NAALADL2: variants seen among roughly 807,000 people sequenced by gnomAD.
NAALADL2 encodes inactive N-acetylated-alpha-linked acidic dipeptidase-like protein 2.
In NAALADL2, 76 loss-of-function variants were observed where a neutral mutation model predicts 87.2. The observed-to-expected ratio is 0.87, with a 90% CI of 0.72 to 1.05. The LOEUF (loss-of-function observed/expected upper bound fraction) is 1.05. NAALADL2 is among the 50% of genes least tolerant of loss of function. The pLI is 0.00. For synonymous variants in NAALADL2, 354 were observed against 331.0 expected, an observed-to-expected ratio of 1.07 and a Z score of -0.75; for missense variants, 1,089 against 945.8, an observed-to-expected ratio of 1.15 and a Z score of -1.99.
At chr3:174,710,529 C>T (rs1189897075) in intron 2 of NAALADL2, among the ~76,000 whole-genome samples, 1 of 152,156 alleles carries the variant, frequency 6.6e-6, no homozygotes, top group Non-Finnish European at 1.5e-5. Context: ...GCTGGGATTA[C>T]AGGCATGAGC....
At chr3:174,682,835 T>A (rs918557662) in intron 2 of NAALADL2, among the ~76,000 whole-genome samples, 7 of 152,182 alleles carry the variant, frequency 4.6e-5, no homozygotes, top group African/African-American at 7.2e-5. Context: ...AATGAATACC[T>A]TACTGTTTGA....
chr3:175,543,231 G>A (rs1046767826), intron 9 of NAALADL2, among the ~76,000 whole-genome samples: 6 of 152,078 alleles, frequency 3.9e-5, no homozygotes, highest in African/African-American at 1.4e-4. Context: ...CAAGGCATAT[G>A]TCAACATTAT....
intron 2 of NAALADL2, among the ~76,000 whole-genome samples, chr3:174,706,453 C>T (rs895073303): frequency 2.0e-5 from 3 of 152,190 alleles, no homozygotes; most frequent in Non-Finnish European, 4.4e-5. Context: ...AGAATAGATA[C>T]ATTGTACAAT....
rs556128800 is a variant in NAALADL2, at chr3:174,842,357, A to C, written c.-9+104611A>C. ...TGAGCCACTGCACCTGGCCACATTTAAACTTTTTAATGTTTTGCTTCAGGT... is the reference window on the plus strand; with the variant it reads ...TGAGCCACTGCACCTGGCCACATTTCAACTTTTTAATGTTTTGCTTCAGGT... On this transcript the variant is annotated intron_variant, in intron 3 of 3. Transcript: ENST00000434257. Among the ~76,000 whole-genome samples the C allele has an allele frequency of 3.9e-5, 6 of 152,200 alleles. No homozygotes were observed. In the South Asian group the frequency reaches 8.3e-4, roughly 21 times the overall value.
At chr3:174,545,990 T>C (rs1722695940) in intron 1 of NAALADL2, among the ~76,000 whole-genome samples, 1 of 151,782 alleles carries the variant, frequency 6.6e-6, no homozygotes, top group Non-Finnish European at 1.5e-5. Flanking sequence ...TTTTCCTTTT[T>C]TTCTGCTTGT....
chr3:175,683,077 CAG>C (rs1378506075), intron 11 of NAALADL2, among the ~76,000 whole-genome samples: 2 of 151,914 alleles, frequency 1.3e-5, no homozygotes, highest in African/African-American at 4.8e-5. Context: ...ATACAAGAAA[CAG>C]AAAATTGTGA....
chr3:174,722,554 T>G (rs900387364), intron 2 of NAALADL2, among the ~76,000 whole-genome samples: 8 of 151,932 alleles, frequency 5.3e-5, no homozygotes, highest in Non-Finnish European at 1.5e-5. Flanking sequence ...TACCAAAAAT[T>G]AGCCGGGCGC....
At chr3:174,767,010 A>G (rs1391912929) in intron 3 of NAALADL2, among the ~76,000 whole-genome samples, 2 of 152,180 alleles carry the variant, frequency 1.3e-5, no homozygotes, top group Non-Finnish European at 1.5e-5. Context: ...GAATTGTGTC[A>G]TGGACAACCT....
intron 2 of NAALADL2, among the ~76,000 whole-genome samples, chr3:174,574,300 T>C (rs1715282373): frequency 6.6e-6 from 1 of 152,188 alleles, no homozygotes; most frequent in Non-Finnish European, 1.5e-5. Context: ...GTTGAAACTT[T>C]CTAACTTATA....
intron 2 of NAALADL2, among the ~76,000 whole-genome samples, chr3:174,576,944 G>A (rs946193948): frequency 1.3e-5 from 2 of 151,780 alleles, no homozygotes; most frequent in Admixed American, 6.6e-5. Flanking sequence ...TAATATATAC[G>A]CTTCTTAATC....
intron 2 of NAALADL2, among the ~76,000 whole-genome samples, chr3:174,560,318 A>C (rs951428139): frequency 2.0e-5 from 3 of 152,252 alleles, no homozygotes; most frequent in Non-Finnish European, 2.9e-5. Flanking sequence ...AATAGGTACA[A>C]AAGATGACAG....
chr3:175,228,864 A>C (rs935165110), intron 2 of NAALADL2, among the ~76,000 whole-genome samples: 1 of 151,986 alleles, frequency 6.6e-6, no homozygotes, highest in African/African-American at 2.4e-5. Flanking sequence ...TGCCAAATTT[A>C]CTTTTAAAAA....
At chr3:174,605,965 G>A (rs1719003223) in intron 2 of NAALADL2, among the ~76,000 whole-genome samples, 1 of 152,164 alleles carries the variant, frequency 6.6e-6, no homozygotes, top group Non-Finnish European at 1.5e-5. Context: ...ACTCCTCTGA[G>A]ACAAAACTTC....
chr3:175,604,552 C>A (rs1311477546), intron 10 of NAALADL2, among the ~76,000 whole-genome samples: 1 of 152,102 alleles, frequency 6.6e-6, no homozygotes, highest in Non-Finnish European at 1.5e-5. Flanking sequence ...GATCCACCTG[C>A]CTCAGCCTCC....
chr3:174,882,662 C>CATATACACATATGTGT (rs1164692906), intron 1 of NAALADL2, among the ~76,000 whole-genome samples: 14 of 114,506 alleles, frequency 1.2e-4, no homozygotes, highest in African/African-American at 4.4e-4. Flanking sequence ...CACATATGTG[C>CATATACACATATGTGT]ATATACACAT....
Position 175,803,027 on chromosome 3 carries a change from G to A in NAALADL2, c.2212G>A (p.Glu738Lys), listed in dbSNP as rs753811235. Reference protein sequence around the residue: ...FYRNILYHLDEKTSRFSILIE... With the variant: ...FYRNILYHLDKKTSRFSILIE... The stretch of plus-strand genomic sequence containing the variant: ...CAGAAACATCCTCTACCACCTTGAT[G>A]AAAAGACAAGCCGGTTTTCAATACT... The change falls in exon 14 of 14, where the codon GAA (glutamate) becomes AAA (lysine). Residue 738 changes from glutamate to lysine, a missense_variant. Transcript: ENST00000454872. The A allele has an allele frequency of 2.4e-5, 38 of 1,611,512 alleles. No individual in the cohort carries two copies. In the Admixed American group the frequency reaches 6.2e-4, roughly 26 times the overall value.
chr3:175,182,814 A>G (rs1379972838), intron 2 of NAALADL2, among the ~76,000 whole-genome samples: 1 of 151,786 alleles, frequency 6.6e-6, no homozygotes, highest in Non-Finnish European at 1.5e-5. Context: ...AATTGCCTAG[A>G]CCAATGTCAT....
chr3:174,983,983 CCACTT>C (rs767504601), intron 1 of NAALADL2, among the ~76,000 whole-genome samples: 1 of 152,148 alleles, frequency 6.6e-6, no homozygotes, highest in East Asian at 1.9e-4. Context: ...GCTTTCCTCT[CCACTT>C]CACCCCAACA....
At chr3:174,955,799 C>T (rs1741069296) in intron 1 of NAALADL2, among the ~76,000 whole-genome samples, 1 of 152,072 alleles carries the variant, frequency 6.6e-6, no homozygotes, top group Admixed American at 6.6e-5. Flanking sequence ...TGATCAGGCT[C>T]TACCAACAGA....
Sources: allele counts gnomAD v4.1 joint callset (sites outside exome capture counted in the v4.1 genomes callset), GRCh38; gene constraint gnomAD v4.1.1; transcripts MANE v1.5; gene names NCBI Gene and HGNC (gene_info 2026-07-23, HGNC 2026-07-21).